RGS5: variants seen among roughly 807,000 people sequenced by gnomAD.
RGS5 encodes the protein regulator of G-protein signalling 5.
RGS5 carries 20 observed loss-of-function variants against 18.9 expected under a neutral mutation model. The ratio of observed to expected loss-of-function variants is 1.06; its 90% CI spans 0.74 to 1.54. The LOEUF (loss-of-function observed/expected upper bound fraction) is 1.54. Ranked by LOEUF, RGS5 falls within the 40% of genes most tolerant of loss-of-function variation. The pLI is 0.00. For synonymous variants in RGS5, 57 were observed against 76.2 expected, an observed-to-expected ratio of 0.75 and a Z score of 1.31; for missense variants, 201 against 211.8, an observed-to-expected ratio of 0.95 and a Z score of 0.32.
At chr1:163,258,013 C>G (rs985672697) in intron 2 of RGS5, among the ~76,000 whole-genome samples, 5 of 152,102 alleles carry the variant, frequency 3.3e-5, no homozygotes, top group African/African-American at 1.2e-4. Flanking sequence ...ATTGCTGGGC[C>G]CCAGCTGCTG....
At chr1:163,309,962 A>G (rs1260597116) in intron 1 of RGS5, among the ~76,000 whole-genome samples, 1 of 152,228 alleles carries the variant, frequency 6.6e-6, no homozygotes, top group Admixed American at 6.5e-5. Flanking sequence ...AATCTCAATC[A>G]GGGCTCTTGG....
chr1:163,244,302 C>G (rs1011650244), intron 2 of RGS5, among the ~76,000 whole-genome samples: 4 of 152,142 alleles, frequency 2.6e-5, no homozygotes, highest in Non-Finnish European at 5.9e-5. Context: ...AGTTGCTTTC[C>G]CAGAAATTAC....
At chr1:163,238,641 G>T in intron 2 of RGS5, 1 of 255,624 alleles carries the variant, frequency 3.9e-6, no homozygotes, top group East Asian at 1.1e-4. Flanking sequence ...GGAATATCAG[G>T]AATGAGGATT....
chr1:163,280,591 A>G (rs1297707923), intron 2 of RGS5, among the ~76,000 whole-genome samples: 3 of 151,804 alleles, frequency 2.0e-5, no homozygotes, highest in Admixed American at 6.6e-5. Flanking sequence ...AAAACTGTGA[A>G]ACACTGAGGA....
intron 1 of RGS5, among the ~76,000 whole-genome samples, chr1:163,198,629 T>A (rs924573532): frequency 5.9e-5 from 9 of 152,092 alleles, no homozygotes; most frequent in African/African-American, 1.7e-4. Flanking sequence ...ATCAGTTTTT[T>A]AAAATAATCC....
intron 2 of RGS5, among the ~76,000 whole-genome samples, chr1:163,281,977 A>T (rs1649003066): frequency 1.3e-5 from 2 of 152,120 alleles, no homozygotes. Context: ...AAGAAAACAA[A>T]AGGAAAATGC....
At chr1:163,247,145 C>T (rs1375532565) in intron 2 of RGS5, among the ~76,000 whole-genome samples, 1 of 151,910 alleles carries the variant, frequency 6.6e-6, no homozygotes, top group Non-Finnish European at 1.5e-5. Flanking sequence ...CTCTCATTAC[C>T]TAGGTGACAA....
At chr1:163,248,014 C>T (rs1334060975) in intron 2 of RGS5, among the ~76,000 whole-genome samples, 1 of 152,152 alleles carries the variant, frequency 6.6e-6, no homozygotes, top group Non-Finnish European at 1.5e-5. Flanking sequence ...AAACATTAGA[C>T]ACAAAGGGTA....
chr1:163,244,505 T>G (rs1647878172), intron 2 of RGS5: 1 of 152,178 alleles, frequency 6.6e-6, no homozygotes, highest in African/African-American at 2.4e-5. Flanking sequence ...GCTACAAGGA[T>G]TACAAGTGAT....
chr1:163,280,562 G>C (rs973706135), intron 2 of RGS5, among the ~76,000 whole-genome samples: 3 of 151,960 alleles, frequency 2.0e-5, no homozygotes, highest in Non-Finnish European at 4.4e-5. Flanking sequence ...AACTGAAGAA[G>C]TGAAAGATCT....
At chr1:163,255,868 T>C (rs1648258034) in intron 2 of RGS5, among the ~76,000 whole-genome samples, 1 of 152,200 alleles carries the variant, frequency 6.6e-6, no homozygotes, top group Admixed American at 6.5e-5. Context: ...AACCACATGA[T>C]ATCTCAATAG....
At chr1:163,194,483 G>A (rs547614836) in intron 1 of RGS5, among the ~76,000 whole-genome samples, 5 of 152,168 alleles carry the variant, frequency 3.3e-5, no homozygotes, top group Admixed American at 1.3e-4. Context: ...AATTGATCAC[G>A]TCCTATTACA....
intron 1 of RGS5, among the ~76,000 whole-genome samples, chr1:163,173,862 T>C (rs1290920752): frequency 6.6e-6 from 1 of 151,964 alleles, no homozygotes; most frequent in Non-Finnish European, 1.5e-5. Context: ...GATCATGAGG[T>C]CACGCATTCA....
rs142467346 is a variant in RGS5, at chr1:163,222,998, C to A, written c.-280-54630G>T. Among the ~76,000 whole-genome samples the A allele has an allele frequency of 3.0e-3, 453 of 152,168 alleles. 4 individuals are homozygous for A. Among genetic ancestry groups the A allele is most frequent in the African/African-American group, 0.01 (432 of 41,502 alleles). Reference sequence around the variant, plus strand: ...TAGCTGTGATTACAGACGTGCACCACCACATTTGGCTAATTTTTGTATTTT... The same window carrying A: ...TAGCTGTGATTACAGACGTGCACCAACACATTTGGCTAATTTTTGTATTTT... On this transcript the variant is annotated intron_variant, in intron 2 of 5. Transcript: ENST00000618415.
chr1:163,227,558 CA>C (rs1266984621), intron 2 of RGS5, among the ~76,000 whole-genome samples: 1 of 152,126 alleles, frequency 6.6e-6, no homozygotes, highest in African/African-American at 2.4e-5. Flanking sequence ...GGTGGGGACA[CA>C]CAGCCAAACC....
intron 3 of RGS5, among the ~76,000 whole-genome samples, chr1:163,154,978 T>A (rs570877579): frequency 6.6e-6 from 1 of 151,966 alleles, no homozygotes; most frequent in African/African-American, 2.4e-5. Flanking sequence ...TATATGTATA[T>A]AAAACTATGT....
At chr1:163,184,971 T>TA (rs1659008648) in intron 1 of RGS5, among the ~76,000 whole-genome samples, 1 of 152,192 alleles carries the variant, frequency 6.6e-6, no homozygotes, top group South Asian at 2.1e-4. Context: ...TTTTTAAACT[T>TA]AGTTAACTAT....
intron 4 of RGS5, among the ~76,000 whole-genome samples, chr1:163,150,449 G>A (rs2841997): frequency 0.12 from 18,586 of 152,054 alleles, 1,424 homozygotes; most frequent in Non-Finnish European, 0.17. Flanking sequence ...AAGGTAAGTC[G>A]GAGAATCCTT....
intron 2 of RGS5, among the ~76,000 whole-genome samples, chr1:163,290,785 T>C (rs1346096909): frequency 6.6e-6 from 1 of 152,098 alleles, no homozygotes; most frequent in East Asian, 1.9e-4. Context: ...CTTCACTAAA[T>C]AGAGGATACA....
Sources: gnomAD v4.1 joint callset for allele counts (sites outside exome capture counted in the v4.1 genomes callset) on GRCh38, gnomAD v4.1.1 for gene constraint, MANE v1.5 for transcripts, NCBI Gene and HGNC (gene_info 2026-07-23, HGNC 2026-07-21) for gene names.